PACRG: variants seen among roughly 807,000 people sequenced by gnomAD.
The protein encoded by PACRG is parkin coregulated.
A neutral mutation model predicts 29.7 loss-of-function variants in PACRG; 29 were observed. The ratio of observed to expected loss-of-function variants is 0.98; its 90% CI spans 0.73 to 1.33. The LOEUF is 1.33. Ranked by LOEUF, PACRG falls within the 40% of genes most tolerant of loss-of-function variation. The pLI is 0.00. For synonymous variants in PACRG, 116 were observed against 118.7 expected (o/e 0.98, Z 0.15); for missense variants, 279 against 316.2 (o/e 0.88, Z 0.89).
At chr6:162,855,809 G>A (rs1007647525) in intron 2 of PACRG, among the ~76,000 whole-genome samples, 1 of 152,142 alleles carries the variant, frequency 6.6e-6, no homozygotes, top group Non-Finnish European at 1.5e-5. Context: ...GCAGTTCCTG[G>A]AGCACAGTGG....
intron 2 of PACRG, among the ~76,000 whole-genome samples, chr6:163,043,776 C>T (rs1198693199): frequency 6.6e-6 from 1 of 152,218 alleles, no homozygotes; most frequent in African/African-American, 2.4e-5. Context: ...GCATTTGGGA[C>T]AGTAGAACGA....
chr6:162,947,993 T>C (rs2128129390), intron 2 of PACRG, among the ~76,000 whole-genome samples: 1 of 152,032 alleles, frequency 6.6e-6, no homozygotes, highest in South Asian at 2.1e-4. Flanking sequence ...ACAAATTGAA[T>C]GAAATCCCTA....
At chr6:163,033,660 A>C (rs936924360) in intron 2 of PACRG, among the ~76,000 whole-genome samples, 2 of 152,242 alleles carry the variant, frequency 1.3e-5, no homozygotes, top group Non-Finnish European at 2.9e-5. Context: ...AATACATATA[A>C]ATACATAGAA....
chr6:163,060,781 C>G (rs900133183), intron 2 of PACRG: 1 of 152,052 alleles, frequency 6.6e-6, no homozygotes, highest in Admixed American at 6.6e-5. Context: ...GGGTTCATTA[C>G]GAGTTACTCA....
intron 4 of PACRG, chr6:163,100,678 CTG>C (rs1815029010): frequency 1.5e-6 from 1 of 688,362 alleles, no homozygotes; most frequent in Admixed American, 6.3e-5. Flanking sequence ...AAATAGGAAA[CTG>C]TTGGAGAAAT....
chr6:162,925,887 C>G (rs761561206), intron 2 of PACRG, among the ~76,000 whole-genome samples: 1 of 151,918 alleles, frequency 6.6e-6, no homozygotes, highest in Non-Finnish European at 1.5e-5. Flanking sequence ...ACGACATGAT[C>G]CTCCTATATC....
At chr6:163,110,040 C>T (rs2985041) in intron 4 of PACRG, among the ~76,000 whole-genome samples, 54,163 of 151,888 alleles carry the variant, frequency 0.36, 10,417 homozygotes, top group East Asian at 0.52. Context: ...TGTGGAGATA[C>T]TATATGCTGG....
chr6:162,837,081 T>A (rs960064388), intron 2 of PACRG, among the ~76,000 whole-genome samples: 2 of 152,092 alleles, frequency 1.3e-5, no homozygotes, highest in African/African-American at 4.8e-5. Flanking sequence ...TAATTGGATG[T>A]AATAAGTAGG....
intron 4 of PACRG, chr6:163,165,435 G>A (rs189377502): frequency 6.6e-6 from 1 of 152,344 alleles, no homozygotes; most frequent in Non-Finnish European, 1.5e-5. Context: ...GAGGAACCGC[G>A]GATGGGGAGT....
intron 4 of PACRG, among the ~76,000 whole-genome samples, chr6:163,144,634 T>G (rs1246063656): frequency 6.6e-6 from 1 of 152,106 alleles, no homozygotes. Context: ...TTGGGCATGG[T>G]GGCGCATGCC....
rs1020397763 is a variant in PACRG at position 162,894,667 on chromosome 6, A to G, written c.291+80386A>G. On this transcript the variant is annotated intron_variant, in intron 2 of 4. Coordinates refer to ENST00000366888, the MANE Select transcript of PACRG (RefSeq NM_001080379.2). ...CATGTTATTATGCAATTTTTAAAAA[A>G]ATGGTAGAGCCTCTGGATGAACGTG... is the stretch of plus-strand genomic sequence containing the variant. 2.0e-5 allele frequency among the ~76,000 whole-genome samples: 3 copies of G among 152,340 alleles called. No homozygotes were observed. The South Asian group carries it at 6.2e-4, about 32-fold the overall frequency.
chr6:163,163,637 C>T (rs927834586), intron 4 of PACRG, among the ~76,000 whole-genome samples: 1 of 151,964 alleles, frequency 6.6e-6, no homozygotes, highest in African/African-American at 2.4e-5. Flanking sequence ...ATAATATTGT[C>T]CATATTTTTG....
Position 163,063,253 on chromosome 6 carries a change from G to A in PACRG, c.463+932G>A, listed in dbSNP as rs1811239560. ...CCCTACCTTTTTCTCAGCCAGAGCT[G>A]CTCCAGGCACTTTCACCCCCTGGAT... is the stretch of plus-strand genomic sequence containing the variant. On this transcript the variant is annotated intron_variant, in intron 3 of 4. Transcript: ENST00000366888. Among the ~76,000 whole-genome samples the A allele has an allele frequency of 2.0e-5, 3 of 152,146 alleles. No homozygotes were observed. In the South Asian group the frequency reaches 6.2e-4, roughly 32 times the overall value.
chr6:163,157,094 A>T (rs1778355926), intron 4 of PACRG, among the ~76,000 whole-genome samples: 1 of 152,184 alleles, frequency 6.6e-6, no homozygotes, highest in African/African-American at 2.4e-5. Flanking sequence ...CACACAGTGG[A>T]GTGGTCTTCC....
At chr6:163,086,153 TG>T (rs146210497) in intron 3 of PACRG, among the ~76,000 whole-genome samples, 5,054 of 152,302 alleles carry the variant, frequency 0.033, 288 homozygotes, top group African/African-American at 0.11. Flanking sequence ...AGAACATTTC[TG>T]GCCTGCCAGT....
intron 3 of PACRG, among the ~76,000 whole-genome samples, chr6:163,081,617 A>G (rs2128292076): frequency 6.6e-6 from 1 of 152,128 alleles, no homozygotes; most frequent in East Asian, 1.9e-4. Flanking sequence ...TTAGCCAGCC[A>G]TGGTGGTGTG....
At chr6:162,852,107 C>G (rs1790961627) in intron 2 of PACRG, among the ~76,000 whole-genome samples, 1 of 152,108 alleles carries the variant, frequency 6.6e-6, no homozygotes, top group Non-Finnish European at 1.5e-5. Context: ...TTTCAGAACA[C>G]CTGTTGTTAA....
chr6:163,278,342 G>A (rs1338725601), intron 4 of PACRG, among the ~76,000 whole-genome samples: 3 of 152,082 alleles, frequency 2.0e-5, no homozygotes, highest in Non-Finnish European at 2.9e-5. Context: ...GTTTAATTAA[G>A]TCCCATCTAT....
intron 2 of PACRG, among the ~76,000 whole-genome samples, chr6:163,031,750 A>G (rs1194166224): frequency 1.3e-5 from 2 of 152,166 alleles, no homozygotes; most frequent in African/African-American, 4.8e-5. Context: ...TCTACCCTCA[A>G]ATACCTCTGA....
Sources: allele counts gnomAD v4.1 joint callset (sites outside exome capture counted in the v4.1 genomes callset), GRCh38; gene constraint gnomAD v4.1.1; transcripts MANE v1.5; gene names NCBI Gene and HGNC (gene_info 2026-07-23, HGNC 2026-07-21).